GRM5: variants seen among roughly 807,000 people sequenced by gnomAD.
GRM5 encodes metabotropic glutamate receptor 5.
GRM5 carries 19 observed loss-of-function variants against 83.1 expected under a neutral mutation model. That is an observed-to-expected ratio of 0.23 (90% CI 0.16 to 0.34). GRM5 has a LOEUF of 0.34. GRM5 is among the 10% of genes least tolerant of loss of function. The pLI is 1.00. For synonymous variants in GRM5, 675 were observed against 633.6 expected (o/e 1.07, Z -0.98); for missense variants, 1,160 against 1,588.3 (o/e 0.73, Z 4.58).
chr11:88,863,781 G>A (rs1240229989), intron 2 of GRM5, among the ~76,000 whole-genome samples: 4 of 151,868 alleles, frequency 2.6e-5, no homozygotes, highest in Non-Finnish European at 5.9e-5. Context: ...TGTTTAACAA[G>A]AGACACTTAA....
At chr11:88,787,044 A>AAAT (rs1450009753) in intron 3 of GRM5, among the ~76,000 whole-genome samples, 1 of 152,158 alleles carries the variant, frequency 6.6e-6, no homozygotes, top group East Asian at 1.9e-4. Flanking sequence ...GTAAATAAGT[A>AAAT]AATAAAATGT....
In GRM5 at chr11:88,984,726, T is replaced by C. The variant is rs775013859; in HGVS notation, c.661+62486A>G. ...GTTTATGTAACATTCAAACGGTTTA[T>C]TAAAGCTATAGGAGAAAGAAAGGTA... On this transcript the variant is annotated intron_variant, in intron 2 of 9. Coordinates refer to ENST00000305447, the MANE Select transcript of GRM5 (RefSeq NM_001143831.3). The C allele has an allele frequency of 5.8e-6, 4 of 685,734 alleles. No homozygotes were observed. The East Asian group carries it at 1.1e-4, about 18-fold the overall frequency. The allele number at this position is 685,734 out of a possible 1,614,324, so 42.5% of individuals were successfully genotyped here.
In GRM5 at chr11:88,834,125, C is replaced by T. The variant is rs1944047936; in HGVS notation, c.911+15781G>A. On this transcript the variant is annotated intron_variant, in intron 3 of 9. Transcript: ENST00000305447. ...CTATAAGAGAGAACTTGATATGTTC[C>T]CAACACATAGAAATGATAAATACGT... is the stretch of plus-strand genomic sequence containing the variant. 3.3e-5 allele frequency among the ~76,000 whole-genome samples: 5 copies of T among 151,850 alleles called. No homozygotes were observed. In the South Asian group the frequency reaches 8.3e-4, roughly 25 times the overall value.
At chr11:88,639,077 T>A (rs1301794785) in intron 4 of GRM5, among the ~76,000 whole-genome samples, 1 of 152,196 alleles carries the variant, frequency 6.6e-6, no homozygotes, top group Non-Finnish European at 1.5e-5. Flanking sequence ...TTTGTGGTTT[T>A]TTTCCCTAAT....
intron 3 of GRM5, among the ~76,000 whole-genome samples, chr11:88,793,197 A>C (rs1357562443): frequency 6.6e-6 from 1 of 152,172 alleles, no homozygotes; most frequent in Non-Finnish European, 1.5e-5. Context: ...CAGCACTTAA[A>C]TATATAATCT....
chr11:88,816,654 C>T (rs1010335588), intron 3 of GRM5, among the ~76,000 whole-genome samples: 1 of 128,962 alleles, frequency 7.8e-6, no homozygotes, highest in Non-Finnish European at 1.7e-5. Flanking sequence ...TGAAAGAGAA[C>T]ACAGAAAAAC....
At chr11:88,989,597 C>T (rs1280695210) in intron 2 of GRM5, among the ~76,000 whole-genome samples, 3 of 136,808 alleles carry the variant, frequency 2.2e-5, no homozygotes, top group Admixed American at 7.4e-5. Context: ...CCAAAATTGA[C>T]CACATACTTG....
chr11:89,044,615 A>C (rs1052872983), intron 2 of GRM5, among the ~76,000 whole-genome samples: 1 of 152,162 alleles, frequency 6.6e-6, no homozygotes, highest in African/African-American at 2.4e-5. Context: ...CACAGACCTT[A>C]ATGGTTCATG....
At chr11:88,743,723 G>C (rs539681028) in intron 3 of GRM5, among the ~76,000 whole-genome samples, 1 of 152,216 alleles carries the variant, frequency 6.6e-6, no homozygotes, top group South Asian at 2.1e-4. Context: ...GAGGAGATTT[G>C]AGGCAAATAC....
At chr11:88,751,658 G>GAGAAT (rs1942276867) in intron 3 of GRM5, among the ~76,000 whole-genome samples, 1 of 151,670 alleles carries the variant, frequency 6.6e-6, no homozygotes, top group Non-Finnish European at 1.5e-5. Context: ...ACAAAGGAAA[G>GAGAAT]TTCAGGCCAA....
At chr11:88,732,026 T>A (rs1323127597) in intron 3 of GRM5, among the ~76,000 whole-genome samples, 1 of 152,018 alleles carries the variant, frequency 6.6e-6, no homozygotes, top group Non-Finnish European at 1.5e-5. Context: ...TAGTGTCCTT[T>A]TCACTAATTG....
intron 9 of GRM5, among the ~76,000 whole-genome samples, chr11:88,517,257 A>C (rs1023890985): frequency 6.6e-6 from 1 of 152,002 alleles, no homozygotes; most frequent in African/African-American, 2.4e-5. Flanking sequence ...TACAAAACTG[A>C]GGATTAGAGA....
At chr11:88,633,745 T>A (rs1939044218) in intron 4 of GRM5, among the ~76,000 whole-genome samples, 2 of 152,186 alleles carry the variant, frequency 1.3e-5, no homozygotes, top group Admixed American at 6.5e-5. Context: ...GGTCTTGAAC[T>A]CCTGGCCTAT....
chr11:88,634,553 T>C (rs890949424), intron 4 of GRM5, among the ~76,000 whole-genome samples: 2 of 152,070 alleles, frequency 1.3e-5, no homozygotes. Flanking sequence ...AATATCACTG[T>C]CTCCCACCTC....
At chr11:88,801,547 T>C (rs1813119) in intron 3 of GRM5, among the ~76,000 whole-genome samples, 74,336 of 151,838 alleles carry the variant, frequency 0.49, 21,464 homozygotes, top group African/African-American at 0.76. Context: ...TACTTGTAAA[T>C]AATCATCCAT....
At position 88,580,342 on chromosome 11, in the gene GRM5, T is replaced by C. The variant is rs148511851; in HGVS notation, c.1690+10259A>G. Among the ~76,000 whole-genome samples, 82 of 152,324 alleles carry C rather than the reference T, an allele frequency of 5.4e-4. 1 individual carries two copies. The Middle Eastern group carries it at 0.02, about 38-fold the overall frequency. On this transcript the variant is annotated intron_variant, in intron 7 of 9. Transcript: ENST00000305447. ...TTAATGACATGAATGAAACTGGGTA[T>C]GATCACCAGTGAAGCAAGTGTAGAC... is the stretch of plus-strand genomic sequence containing the variant.
intron 8 of GRM5, among the ~76,000 whole-genome samples, chr11:88,562,864 A>G (rs892866179): frequency 2.0e-5 from 3 of 152,182 alleles, no homozygotes; most frequent in Admixed American, 2.0e-4. Context: ...ACACAAGGGC[A>G]ATTCTTATGG....
chr11:88,949,524 A>G (rs1443455977), intron 2 of GRM5, among the ~76,000 whole-genome samples: 1 of 152,236 alleles, frequency 6.6e-6, no homozygotes. Flanking sequence ...CTAGTTGAAG[A>G]AACACTTCAA....
At chr11:88,690,623 T>C (rs1940759590) in intron 3 of GRM5, among the ~76,000 whole-genome samples, 1 of 152,176 alleles carries the variant, frequency 6.6e-6, no homozygotes, top group Non-Finnish European at 1.5e-5. Context: ...CTATTTTGGA[T>C]TTGATGTCAC....
Sources: gnomAD v4.1 joint callset for allele counts (sites outside exome capture counted in the v4.1 genomes callset) on GRCh38, gnomAD v4.1.1 for gene constraint, MANE v1.5 for transcripts, NCBI Gene and HGNC (gene_info 2026-07-23, HGNC 2026-07-21) for gene names.